Variants in IL17RC observed in about 807,000 individuals in gnomAD.
IL17RC encodes interleukin 17 receptor C.
In IL17RC, 53 loss-of-function variants were observed where a neutral mutation model predicts 86.7. The ratio of observed to expected loss-of-function variants is 0.61; its 90% CI spans 0.49 to 0.77. IL17RC has a LOEUF of 0.77. Among genes scored for constraint, IL17RC ranks in the 30% least tolerant of loss-of-function variants. The pLI is 0.00. For synonymous variants in IL17RC, 439 were observed against 413.1 expected (o/e 1.06, Z -0.76); for missense variants, 957 against 940.0 (o/e 1.02, Z -0.24).
At position 9,924,239 on chromosome 3, in the gene IL17RC, C is replaced by G; in HGVS notation, c.770C>G (p.Pro257Arg). The stretch of plus-strand genomic sequence containing the variant: ...CCTTTATTTGTTCCACAGACTGGAC[C>G]GCAGATCATTACCTTGAACCACACA... ...KPRWHKNLTGPQIITLNHTDL... is the reference protein window; with the variant it reads ...KPRWHKNLTGRQIITLNHTDL... The change falls in exon 9 of 19, where the codon CCG becomes CGG. Residue 257 changes from proline to arginine, a missense_variant. Transcript: ENST00000403601. 1 of 1,614,036 alleles carries G rather than the reference C, an allele frequency of 6.2e-7. No homozygotes were observed. The highest frequency in any genetic ancestry group is 1.1e-5 in the South Asian group (1 of 91,060).
chr3:9,917,628 A>C (rs772360458), intron 1 of IL17RC, 85 bp from the exon 2 acceptor site: 7 of 1,613,892 alleles, frequency 4.3e-6, no homozygotes, highest in Non-Finnish European at 5.9e-6. Flanking sequence ...GGAGCCCCAG[A>C]AAAAGGTAGG....
Position 9,930,977 on chromosome 3 carries a change from A to T in IL17RC, c.1387+34A>T, listed in dbSNP as rs1654387170. ...TGTAAGAACTGCCTTTCCTTTCTGT[A>T]CCAGGAGTGGGGATCTTGACAGGGA... On this transcript the variant is annotated intron_variant, in intron 16 of 18. Coordinates refer to ENST00000403601, the MANE Select transcript of IL17RC (RefSeq NM_153460.4). This position sits in a 1 kb window ranked among gnomAD's most constrained non-coding sequence, Gnocchi z 5.8. The T allele has an allele frequency of 6.3e-7, 1 of 1,585,078 alleles. No individual in the cohort carries two copies. Among genetic ancestry groups the T allele is most frequent in the African/African-American group, 1.3e-5 (1 of 74,274 alleles).
At chr3:9,920,739 G>C in intron 6 of IL17RC, 137 bp downstream of exon 6, 1 of 770,186 alleles carries the variant, frequency 1.3e-6, no homozygotes, top group Non-Finnish European at 2.2e-6. Flanking sequence ...TCAGTCCCTC[G>C]GACCTTCTCT....
intron 1 of IL17RC, 105 bp from the exon 2 acceptor site, chr3:9,917,608 C>T (rs375581106): frequency 2.2e-5 from 35 of 1,614,008 alleles, no homozygotes; most frequent in African/African-American, 6.7e-5. Flanking sequence ...CTGGGAGGGT[C>T]TGGGAATACG....
intron 16 of IL17RC, 37 bp from the exon 17 acceptor site, chr3:9,932,571 G>A (rs1371254086): frequency 3.2e-6 from 5 of 1,571,864 alleles, no homozygotes; most frequent in Non-Finnish European, 4.4e-6. Context: ...TCTCTGTGGA[G>A]GGTAAGTTTC....
Position 9,932,629 on chromosome 3 carries a change from T to C in IL17RC, c.1409T>C (p.Leu470Pro). Residue 470 changes from leucine to proline, a missense_variant, in exon 17 of 19, where the codon CTC becomes CCC. Physicochemically the swap from Leu to Pro is moderately conservative, Grantham distance 98. Coordinates refer to ENST00000403601, the MANE Select transcript of IL17RC (RefSeq NM_153460.4). The stretch of plus-strand genomic sequence containing the variant: ...CCAGACATCCACAAGCGCTGGGCCC[T>C]CGTGTGGCTGGCCTGCCTACTCTTT... ...MDKYIHKRWA[L>P]VWLACLLFAA... 1 of 1,614,056 alleles carries C rather than the reference T, an allele frequency of 6.2e-7. No homozygotes were observed. Among genetic ancestry groups the C allele is most frequent in the Non-Finnish European group, 8.5e-7 (1 of 1,179,950 alleles).
At position 9,932,826 on chromosome 3, in the gene IL17RC, T is replaced by C. The variant is rs556201350; in HGVS notation, c.1490T>C (p.Leu497Pro). ...CGCCCCTCTCCCCTAACAGGGTGGCTGAGGCTCTTGAAACAGGACGTCCGC... is the reference window on the plus strand; with the variant it reads ...CGCCCCTCTCCCCTAACAGGGTGGCCGAGGCTCTTGAAACAGGACGTCCGC... ...LLKKDHAKGWLRLLKQDVRSG... is the reference protein window; with the variant it reads ...LLKKDHAKGWPRLLKQDVRSG... The change falls in exon 18 of 19, where the codon CTG becomes CCG. Residue 497 changes from leucine (L) to proline (P), a missense_variant. Coordinates refer to ENST00000403601, the MANE Select transcript of IL17RC (RefSeq NM_153460.4). The C allele has an allele frequency of 1.4e-5, 22 of 1,562,208 alleles. No individual in the cohort carries two copies. The African/African-American group carries it at 2.7e-4, about 19-fold the overall frequency.
rs761856899 is a variant in IL17RC, at chr3:9,930,504, C to G, written c.1338+45C>G. The G allele has an allele frequency of 6.3e-7, 1 of 1,582,656 alleles. No individual in the cohort carries two copies. The highest frequency in any genetic ancestry group is 8.7e-7 in the Non-Finnish European group (1 of 1,152,844). On this transcript the variant is annotated intron_variant, in intron 15 of 18. Transcript: ENST00000403601. This position sits in a 1 kb window ranked among gnomAD's most constrained non-coding sequence, Gnocchi z 5.8. The stretch of plus-strand genomic sequence containing the variant: ...GCCCCACCTCAATGCCTAGGGGCAA[C>G]AGGCCTAAAACTAGCACTCACCTAC...
In IL17RC at chr3:9,923,841, G is replaced by A. The variant is rs541347321; in HGVS notation, c.623-40G>A. ...GGTCAGTCGGGGATGCAGAAGAGGT[G>A]AGGAAGTCTAAGCTGCGCTCTCTTT... On this transcript the variant is annotated intron_variant, in intron 7 of 18. Transcript: ENST00000403601. 4.4e-6 allele frequency: 7 copies of A among 1,609,102 alleles called. No homozygotes were observed. In the East Asian group the frequency reaches 1.6e-4, roughly 36 times the overall value.
Position 9,930,410 on chromosome 3 carries a change from G to T in IL17RC, c.1289G>T (p.Arg430Leu). Residue 430 changes from arginine to leucine, a missense_variant, in exon 15 of 19, where the codon CGC becomes CTC. Transcript: ENST00000403601. The surrounding 1 kb of genome is among the most constrained non-coding windows in gnomAD (Gnocchi z 5.8). ...LPSKASTRAARLGEYLLQDLQ... is the reference protein window; with the variant it reads ...LPSKASTRAALLGEYLLQDLQ... ...CCTTTGGCTTGGCAGAGGGCAGCTC[G>T]CCTTGGAGAGTACTTACTACAAGAC... 6.2e-7 allele frequency: 1 copy of T among 1,614,032 alleles called. No homozygotes were observed. Among genetic ancestry groups the T allele is most frequent in the Non-Finnish European group, 8.5e-7 (1 of 1,180,022 alleles).
Position 9,917,425 on chromosome 3 carries a change from G to A in IL17RC, c.105+5G>A. 1 of 1,614,208 alleles carries A rather than the reference G, an allele frequency of 6.2e-7. No individual in the cohort carries two copies. The highest frequency in any genetic ancestry group is 1.1e-5 in the South Asian group (1 of 91,082). ...GACGCTACCCACTGCTCTCCGGTGA[G>A]TCTGGAACCCTGGGGAGACGAGGAA... is the stretch of plus-strand genomic sequence containing the variant. On this transcript the variant is annotated splice_donor_5th_base_variant and intron_variant, in intron 1 of 18. Transcript: ENST00000403601.
chr3:9,933,448 G>T lies in IL17RC; in HGVS notation c.2018G>T (p.Arg673Leu). Residue 673 changes from arginine to leucine, a missense_variant, in exon 19 of 19, where the codon CGT becomes CTT. Physicochemically the swap from Arg to Leu is moderately radical, Grantham distance 102. Coordinates refer to ENST00000403601, the MANE Select transcript of IL17RC (RefSeq NM_153460.4). ...GCCCTGCAGCAGCCTCGCGCCCCGC[G>T]TTCCGGGCGGCTCCAAGAGAGAGCG... is the stretch of plus-strand genomic sequence containing the variant. ...LGALQQPRAP[R>L]SGRLQERAEQ... is the part of the protein sequence containing the mutation. 1 of 1,613,112 alleles carries T rather than the reference G, an allele frequency of 6.2e-7. No homozygotes were observed. Among genetic ancestry groups the T allele is most frequent in the Non-Finnish European group, 8.5e-7 (1 of 1,179,828 alleles).
At chr3:9,921,636 T>C (rs2923845) in intron 7 of IL17RC, among the ~76,000 whole-genome samples, 62,777 of 147,140 alleles carry the variant, frequency 0.43, 14,376 homozygotes, top group Middle Eastern at 0.54. Context: ...TTTTTTTTTT[T>C]TTTTTTGAGA....
At chr3:9,920,424 A>G in intron 5 of IL17RC, 67 bp from the exon 6 acceptor site, 1 of 929,134 alleles carries the variant, frequency 1.1e-6, no homozygotes. Context: ...CCTGCAGATG[A>G]TCCCACAGCC....
intron 7 of IL17RC, among the ~76,000 whole-genome samples, chr3:9,921,418 G>A (rs534252128): frequency 2.4e-4 from 37 of 152,056 alleles, no homozygotes; most frequent in African/African-American, 8.2e-4. Context: ...CTGCACCATT[G>A]CACACCAGCC....
At chr3:9,931,062 G>A (rs2084607383) in intron 16 of IL17RC, 119 bp downstream of exon 16, 1 of 829,096 alleles carries the variant, frequency 1.2e-6, no homozygotes, top group East Asian at 2.4e-5. Context: ...GATAAACAGA[G>A]GGTCATTCCT....
chr3:9,919,954 G>A (rs1466256587), intron 5 of IL17RC, among the ~76,000 whole-genome samples: 2 of 151,998 alleles, frequency 1.3e-5, no homozygotes, highest in Non-Finnish European at 2.9e-5. Flanking sequence ...GGGTGTTGGG[G>A]CTTCTCCCTG....
In IL17RC at chr3:9,930,171, T is replaced by C; in HGVS notation, c.1278+22T>C. On this transcript the variant is annotated intron_variant, in intron 14 of 18. Transcript: ENST00000403601. This position sits in a 1 kb window ranked among gnomAD's most constrained non-coding sequence, Gnocchi z 5.8. ...CACGGTTAGGACTGGGCGACCCTCC[T>C]CCACAGATCTCTCCAAATGCATCTC... is the stretch of plus-strand genomic sequence containing the variant. 6.2e-7 allele frequency: 1 copy of C among 1,613,144 alleles called. No individual in the cohort carries two copies. Among genetic ancestry groups the C allele is most frequent in the Non-Finnish European group, 8.5e-7 (1 of 1,179,564 alleles).
chr3:9,924,110 A>G (rs949883672), intron 8 of IL17RC, 90 bp downstream of exon 8: 1 of 1,609,706 alleles, frequency 6.2e-7, no homozygotes, highest in Admixed American at 1.7e-5. Flanking sequence ...ATCCTTGAAG[A>G]GGACTCACCC....
Sources: gnomAD v4.1 joint callset for allele counts (sites outside exome capture counted in the v4.1 genomes callset) on GRCh38, gnomAD v4.1.1 for gene constraint, Gnocchi (gnomAD v3.1) non-coding constraint, MANE v1.5 for transcripts, NCBI Gene and HGNC (gene_info 2026-07-23, HGNC 2026-07-21) for gene names.